The following STARD13 variants were observed in gnomAD, a reference collection of about 807,000 sequenced individuals.
STARD13 encodes the protein stAR-related lipid transfer protein 13.
Under a neutral mutation model 106.4 loss-of-function variants are expected in STARD13, and 62 were observed. The observed-to-expected ratio is 0.58, with a 90% CI of 0.48 to 0.72. The LOEUF is 0.72. STARD13 is among the 30% of genes least tolerant of loss of function. The probability of loss-of-function intolerance (pLI) is 0.00; values close to 1 mark genes in which losing one functional copy is unlikely to be tolerated. For synonymous variants in STARD13, 565 were observed against 553.0 expected (o/e 1.02, Z -0.31); for missense variants, 1,387 against 1,424.0 (o/e 0.97, Z 0.42).
chr13:33,173,515 A>G (rs551124203), intron 1 of STARD13, among the ~76,000 whole-genome samples: 1 of 152,380 alleles, frequency 6.6e-6, no homozygotes, highest in South Asian at 2.1e-4. Flanking sequence ...ACTTTGATTT[A>G]CATCCCATGG....
chr13:33,515,399 T>G, the STARD13 span, among the ~76,000 whole-genome samples: 30 of 152,256 alleles, frequency 2.0e-4, no homozygotes, highest in African/African-American at 7.2e-4. Context: ...ACATAAGCAA[T>G]TGTCTCAGCA....
chr13:33,482,479 T>A, the STARD13 span, among the ~76,000 whole-genome samples: 4 of 152,180 alleles, frequency 2.6e-5, no homozygotes, highest in Non-Finnish European at 4.4e-5. Context: ...TAATTTATAT[T>A]TCTACAACAA....
the STARD13 span, among the ~76,000 whole-genome samples, chr13:33,531,355 A>G: frequency 6.6e-6 from 1 of 152,216 alleles, no homozygotes; most frequent in African/African-American, 2.4e-5. Context: ...TATCGTTATG[A>G]ACCATGTATT....
the STARD13 span, among the ~76,000 whole-genome samples, chr13:33,529,314 T>C: frequency 6.6e-5 from 10 of 152,204 alleles, no homozygotes; most frequent in Middle Eastern, 3.2e-3. Context: ...AGAGTCATCA[T>C]GATGTCCAGT....
At chr13:33,266,729 T>G (rs1486388722) in intron 1 of STARD13, among the ~76,000 whole-genome samples, 3 of 152,220 alleles carry the variant, frequency 2.0e-5, no homozygotes, top group Non-Finnish European at 4.4e-5. Flanking sequence ...TAAGTGCCTG[T>G]TTTGATAGCC....
intron 1 of STARD13, among the ~76,000 whole-genome samples, chr13:33,330,469 A>T (rs960663247): frequency 1.3e-5 from 2 of 152,184 alleles, no homozygotes; most frequent in African/African-American, 2.4e-5. Flanking sequence ...GATTTGTATG[A>T]GTTCCTTATA....
the STARD13 span, among the ~76,000 whole-genome samples, chr13:33,414,032 C>CAAAAAAAAAAAAAAAAAAAA: frequency 2.3e-4 from 11 of 48,174 alleles, no homozygotes; most frequent in African/African-American, 9.1e-4. Context: ...GATTCCCTCT[C>CAAAAAAAAAAAAAAAAAAAA]AAAAAAAAAA....
At chr13:33,591,231 G>A in the STARD13 span, among the ~76,000 whole-genome samples, 1 of 152,204 alleles carries the variant, frequency 6.6e-6, no homozygotes, top group Non-Finnish European at 1.5e-5. Flanking sequence ...CTGTCTTCCA[G>A]ATAGGAAGGT....
chr13:33,516,437 A>G, the STARD13 span, among the ~76,000 whole-genome samples: 264 of 151,916 alleles, frequency 1.7e-3, no homozygotes, highest in African/African-American at 6.1e-3. Context: ...ATCCCCTTAC[A>G]TGCATCTGAA....
At chr13:33,160,165 C>T (rs1291594530) in intron 3 of STARD13, among the ~76,000 whole-genome samples, 1 of 152,110 alleles carries the variant, frequency 6.6e-6, no homozygotes, top group Admixed American at 6.5e-5. Context: ...TAGAAATAGA[C>T]TTATACATAC....
intron 4 of STARD13, chr13:33,138,803 A>G: frequency 2.2e-6 from 1 of 462,284 alleles, no homozygotes; most frequent in South Asian, 1.5e-5. Flanking sequence ...ATACTCCTCC[A>G]CCTGACTCTT....
the STARD13 span, among the ~76,000 whole-genome samples, chr13:33,482,022 C>G: frequency 6.6e-6 from 1 of 151,560 alleles, no homozygotes; most frequent in Non-Finnish European, 1.5e-5. Context: ...GAAATAGAAG[C>G]ACTGACTGGA....
At chr13:33,332,827 G>T (rs1189689070) in intron 1 of STARD13, among the ~76,000 whole-genome samples, 1 of 152,110 alleles carries the variant, frequency 6.6e-6, no homozygotes, top group Non-Finnish European at 1.5e-5. Flanking sequence ...GCTCAGTAAG[G>T]CTGCTGATTT....
At chr13:33,386,727 A>G in the STARD13 span, among the ~76,000 whole-genome samples, 1 of 152,084 alleles carries the variant, frequency 6.6e-6, no homozygotes, top group East Asian at 1.9e-4. Flanking sequence ...TGGGCCCTCC[A>G]AAGTCCAGAA....
chr13:33,202,380 T>C lies in STARD13; in HGVS notation c.170-34758A>G, dbSNP rs961762363. On this transcript the variant is annotated intron_variant, in intron 1 of 13. Coordinates refer to ENST00000336934, the MANE Select transcript of STARD13 (RefSeq NM_178006.4). ...CCAGACACAAAAATGGGTACCAGGG[T>C]TCTGTCCCAGAAGGTGTGTAATGAC... Among the ~76,000 whole-genome samples the C allele has an allele frequency of 2.6e-5, 4 of 152,024 alleles. 1 individual carries two copies. The highest frequency in any genetic ancestry group is 2.0e-4 in the Admixed American group (3 of 15,258).
At chr13:33,616,797 A>C in the STARD13 span, among the ~76,000 whole-genome samples, 1 of 152,258 alleles carries the variant, frequency 6.6e-6, no homozygotes, top group African/African-American at 2.4e-5. Context: ...ACATAACTAG[A>C]AAAATAGTCT....
chr13:33,461,131 C>T, the STARD13 span, among the ~76,000 whole-genome samples: 1 of 152,132 alleles, frequency 6.6e-6, no homozygotes, highest in Non-Finnish European at 1.5e-5. Flanking sequence ...GAAACTGTTG[C>T]TGTGTTGGAC....
At chr13:33,237,981 G>A (rs1023162490) in intron 1 of STARD13, among the ~76,000 whole-genome samples, 12 of 152,142 alleles carry the variant, frequency 7.9e-5, no homozygotes, top group African/African-American at 1.9e-4. Flanking sequence ...TTATGTAAAC[G>A]ACACAGAGTA....
the STARD13 span, among the ~76,000 whole-genome samples, chr13:33,435,185 C>G: frequency 6.6e-6 from 1 of 152,198 alleles, no homozygotes; most frequent in Non-Finnish European, 1.5e-5. Context: ...TCCTTGACTT[C>G]TCTGCTACTC....
Sources: allele counts gnomAD v4.1 joint callset (sites outside exome capture counted in the v4.1 genomes callset), GRCh38; gene constraint gnomAD v4.1.1; transcripts MANE v1.5; gene names NCBI Gene and HGNC (gene_info 2026-07-23, HGNC 2026-07-21).